ACER3: variants seen among roughly 807,000 people sequenced by gnomAD.
The protein encoded by ACER3 is alkCDase 3.
A neutral mutation model predicts 48.9 loss-of-function variants in ACER3; 16 were observed. The ratio of observed to expected loss-of-function variants is 0.33; its 90% confidence interval spans 0.22 to 0.50. The LOEUF (loss-of-function observed/expected upper bound fraction) is 0.50, where lower values mean the gene tolerates loss of function less well. Ranked by LOEUF, ACER3 falls within the 20% of genes least tolerant of loss-of-function variation. The pLI is 0.98. For missense variants in ACER3, 227 were observed against 326.0 expected (o/e 0.70, Z 2.34); for synonymous variants, 109 against 107.8 (o/e 1.01, Z -0.07).
chr11:76,895,928 A>G (rs893232105), intron 1 of ACER3, among the ~76,000 whole-genome samples: 2 of 152,146 alleles, frequency 1.3e-5, no homozygotes, highest in East Asian at 1.9e-4. Context: ...AATTATATAT[A>G]CTGAAAACAT....
intron 7 of ACER3, among the ~76,000 whole-genome samples, chr11:77,011,060 G>A (rs887419165): frequency 6.6e-6 from 1 of 152,192 alleles, no homozygotes; most frequent in Non-Finnish European, 1.5e-5. Context: ...AGAGAGAGGT[G>A]AAGGCAGTTC....
chr11:76,866,593 G>A (rs141910632), intron 1 of ACER3, among the ~76,000 whole-genome samples: 45 of 152,184 alleles, frequency 3.0e-4, no homozygotes, highest in African/African-American at 9.7e-4. Flanking sequence ...GGTAATTGGT[G>A]TTATTTAACT....
At chr11:77,015,594 G>A (rs1449704690) in intron 8 of ACER3, among the ~76,000 whole-genome samples, 2 of 152,128 alleles carry the variant, frequency 1.3e-5, no homozygotes, top group Non-Finnish European at 1.5e-5. Flanking sequence ...ATTCTAGTCT[G>A]TCATTAAGAC....
chr11:76,983,962 G>C (rs1013246926), intron 4 of ACER3, among the ~76,000 whole-genome samples: 15 of 151,860 alleles, frequency 9.9e-5, no homozygotes, highest in Admixed American at 3.9e-4. Flanking sequence ...TAATTTTTTT[G>C]TATTTTTAGT....
At chr11:76,875,232 G>A (rs113496248) in intron 1 of ACER3, among the ~76,000 whole-genome samples, 16,379 of 145,808 alleles carry the variant, frequency 0.11, 2,942 homozygotes, top group African/African-American at 0.38. Context: ...TTGTGCCTCA[G>A]CCTCCCTAGT....
chr11:76,939,112 T>A (rs1300198228), intron 2 of ACER3, among the ~76,000 whole-genome samples: 2 of 152,120 alleles, frequency 1.3e-5, no homozygotes, highest in Non-Finnish European at 2.9e-5. Context: ...CCTATGATTC[T>A]AAAAAACACA....
chr11:76,952,956 G>A (rs1016588409), intron 2 of ACER3, among the ~76,000 whole-genome samples: 3 of 152,050 alleles, frequency 2.0e-5, no homozygotes, highest in Non-Finnish European at 2.9e-5. Context: ...GTGAGCCACC[G>A]CACCCAGCCA....
intron 3 of ACER3, among the ~76,000 whole-genome samples, chr11:76,974,373 T>C (rs1297380769): frequency 3.3e-5 from 5 of 152,228 alleles, no homozygotes; most frequent in African/African-American, 1.2e-4. Context: ...TTTTATTGTT[T>C]CTGGATAAAG....
chr11:77,013,286 T>C (rs576584727), intron 7 of ACER3, among the ~76,000 whole-genome samples: 1 of 152,326 alleles, frequency 6.6e-6, no homozygotes. Flanking sequence ...TTTCAAACTT[T>C]GTTCTTCAAA....
At chr11:76,983,330 CT>C (rs1359205677) in intron 4 of ACER3, among the ~76,000 whole-genome samples, 1 of 151,054 alleles carries the variant, frequency 6.6e-6, no homozygotes, top group Non-Finnish European at 1.5e-5. Context: ...GCTTTTTTTT[CT>C]TTTTTGACAT....
At chr11:76,924,850 C>G (rs1385848326) in intron 1 of ACER3, among the ~76,000 whole-genome samples, 2 of 151,714 alleles carry the variant, frequency 1.3e-5, no homozygotes, top group Non-Finnish European at 2.9e-5. Context: ...ATGGCATGCA[C>G]CTGTGTTCCC....
chr11:76,985,503 G>A, intron 4 of ACER3, 140 bp from the exon 5 acceptor site: 1 of 566,308 alleles, frequency 1.8e-6, no homozygotes, highest in Non-Finnish European at 3.0e-6. Context: ...ATAATAGGCA[G>A]TGCAGGTTTT....
chr11:76,949,401 G>A (rs146967326), intron 2 of ACER3, among the ~76,000 whole-genome samples: 1 of 152,174 alleles, frequency 6.6e-6, no homozygotes, highest in East Asian at 1.9e-4. Context: ...TATTAACTTT[G>A]ATGTCACAAA....
At chr11:76,880,451 C>G (rs1162737030) in intron 1 of ACER3, among the ~76,000 whole-genome samples, 1 of 152,234 alleles carries the variant, frequency 6.6e-6, no homozygotes. Context: ...AATTCTGACA[C>G]TGTCTACTTG....
intron 4 of ACER3, among the ~76,000 whole-genome samples, chr11:76,981,262 C>A (rs140627624): frequency 2.6e-5 from 4 of 152,340 alleles, no homozygotes; most frequent in African/African-American, 9.6e-5. Flanking sequence ...CAGCAATCTT[C>A]TGCACTATCT....
At chr11:76,894,809 A>G (rs1945889555) in intron 1 of ACER3, among the ~76,000 whole-genome samples, 1 of 152,198 alleles carries the variant, frequency 6.6e-6, no homozygotes, top group Non-Finnish European at 1.5e-5. Context: ...CAGTATAACA[A>G]AAGAAGGAAG....
intron 1 of ACER3, among the ~76,000 whole-genome samples, chr11:76,906,132 T>C (rs1247252841): frequency 6.6e-6 from 1 of 152,222 alleles, no homozygotes; most frequent in Non-Finnish European, 1.5e-5. Flanking sequence ...AGTTTTTAAC[T>C]TTGAAGCAAG....
chr11:76,996,204 A>G (rs1375821634), intron 6 of ACER3, among the ~76,000 whole-genome samples: 5 of 151,972 alleles, frequency 3.3e-5, no homozygotes, highest in African/African-American at 1.2e-4. Flanking sequence ...TAATCTGGCC[A>G]CTTCTCTGCA....
chr11:76,886,033 A>G (rs566938801), intron 1 of ACER3, among the ~76,000 whole-genome samples: 1 of 152,366 alleles, frequency 6.6e-6, no homozygotes, highest in African/African-American at 2.4e-5. Context: ...CAAGTATATA[A>G]GTGTTTTCTA....
Sources: gnomAD v4.1 joint callset for allele counts (sites outside exome capture counted in the v4.1 genomes callset) on GRCh38, gnomAD v4.1.1 for gene constraint, MANE v1.5 for transcripts, NCBI Gene and HGNC (gene_info 2026-07-23, HGNC 2026-07-21) for gene names.